Variants in HTR3E observed in about 807,000 individuals in gnomAD.
The protein encoded by HTR3E is 5-hydroxytryptamine (serotonin) receptor 3, family member E.
HTR3E carries 38 observed loss-of-function variants against 38.0 expected under a neutral mutation model. That is an observed-to-expected ratio of 1.00 (90% CI 0.77 to 1.31). The LOEUF (loss-of-function observed/expected upper bound fraction) is 1.31. HTR3E is among the 50% of genes most tolerant of loss of function. HTR3E has a pLI of 0.00. For missense variants in HTR3E, 547 were observed against 585.2 expected, an observed-to-expected ratio of 0.93 and a Z score of 0.67; for synonymous variants, 210 against 232.9, an observed-to-expected ratio of 0.90 and a Z score of 0.89.
At chr3:184,102,758 C>G (rs1269083606) in intron 3 of HTR3E, among the ~76,000 whole-genome samples, 1 of 151,780 alleles carries the variant, frequency 6.6e-6, no homozygotes, top group Non-Finnish European at 1.5e-5. Context: ...AACACCGTCT[C>G]TACTAAAATA....
rs1712387408 is a variant in HTR3E, at chr3:184,105,747, C to T, written c.721-18C>T. Reference sequence around the variant, plus strand: ...CTCTGACCCCATAACTACTTACCACCCTCTCCTACCCCACCAGGTGGCCAT... The same window carrying T: ...CTCTGACCCCATAACTACTTACCACTCTCTCCTACCCCACCAGGTGGCCAT... On this transcript the variant is annotated intron_variant, in intron 6 of 8. Transcript: ENST00000415389. The T allele has an allele frequency of 6.3e-7, 1 of 1,597,618 alleles. No homozygotes were observed. The highest frequency in any genetic ancestry group is 1.3e-5 in the African/African-American group (1 of 74,564).
intron 3 of HTR3E, among the ~76,000 whole-genome samples, chr3:184,103,354 G>A (rs1193112335): frequency 2.0e-5 from 3 of 152,140 alleles, no homozygotes; most frequent in East Asian, 3.9e-4. Context: ...TGGTGGCCGG[G>A]CGCGGTGGCT....
Position 184,105,804 on chromosome 3 carries a change from C to A in HTR3E, c.760C>A (p.Leu254Ile). ...CAGGCCCAGTCTCTATGTCATAAAC[C>A]TTCTCGTGCCCAGTGGCTTTCTGGT... ...RRRPSLYVINLLVPSGFLVAI... is the reference protein window; with the variant it reads ...RRRPSLYVINILVPSGFLVAI... Residue 254 changes from leucine (L) to isoleucine (I), a missense_variant, in exon 7 of 9, where the codon CTT (leucine) becomes ATT (isoleucine). Coordinates refer to ENST00000415389, the MANE Select transcript of HTR3E (RefSeq NM_001256613.2). 6.2e-7 allele frequency: 1 copy of A among 1,614,188 alleles called. No individual in the cohort carries two copies. The highest frequency in any genetic ancestry group is 8.5e-7 in the Non-Finnish European group (1 of 1,180,030).
chr3:184,104,074 C>T (rs1712249980), intron 3 of HTR3E, 108 bp from the exon 4 acceptor site: 1 of 680,018 alleles, frequency 1.5e-6, no homozygotes, highest in Non-Finnish European at 2.2e-6. Context: ...AGATGTTTGT[C>T]ACAGCATTTT....
At chr3:184,098,550 C>T (rs1388020588) in intron 1 of HTR3E, among the ~76,000 whole-genome samples, 1 of 152,108 alleles carries the variant, frequency 6.6e-6, no homozygotes, top group Non-Finnish European at 1.5e-5. Flanking sequence ...CTCCTCTGGG[C>T]ACTTGCACAC....
Position 184,106,579 on chromosome 3 carries a change from C to T in HTR3E, c.1257C>T (p.His419=), listed in dbSNP as rs1444605479. The change falls in exon 9 of 9, where the codon CAC becomes CAT. Residue 419 remains histidine (H), a synonymous_variant. Transcript: ENST00000415389. This position sits in a 1 kb window ranked among gnomAD's most constrained non-coding sequence, Gnocchi z 4.1. ...GGGAACACGAGGCCCAGAAGCAGCA[C>T]TCAGTGGAGCTGTGGTTGCAGTTCA... is the stretch of plus-strand genomic sequence containing the variant. ...AQREHEAQKQ[H]SVELWLQFSH... is the part of the protein sequence containing the mutation. The T allele has an allele frequency of 6.2e-7, 1 of 1,614,210 alleles. No homozygotes were observed. The highest frequency in any genetic ancestry group is 8.5e-7 in the Non-Finnish European group (1 of 1,180,034).
At position 184,099,739 on chromosome 3, in the gene HTR3E, A is replaced by AAAAAAAAAAAC. The variant is rs767836103; in HGVS notation, c.68-745_68-744insAAAAAAAAACA. ...CCGTCTCAAAAAAAAAAAAAAAAAA[A>AAAAAAAAAAAC]AGAAAGAAATATGCACAATTATTAT... On this transcript the variant is annotated intron_variant, in intron 1 of 8. Coordinates refer to ENST00000415389, the MANE Select transcript of HTR3E (RefSeq NM_001256613.2). Among the ~76,000 whole-genome samples the AAAAAAAAAAAC allele has an allele frequency of 2.4e-3, 276 of 113,068 alleles. 38 individuals carry two copies. The highest frequency in any genetic ancestry group is 8.0e-3 in the African/African-American group (217 of 27,068). The allele number at this position is 113,068 out of a possible 152,430, so 74.2% of individuals were successfully genotyped here. A position where few individuals can be genotyped will look rare whatever the true frequency, so the allele number is the denominator to read the frequency against.
chr3:184,104,974 C>G lies in HTR3E; in HGVS notation c.559+18C>G, dbSNP rs1712333328. 1 of 1,604,618 alleles carries G rather than the reference C, an allele frequency of 6.2e-7. No homozygotes were observed. The highest frequency in any genetic ancestry group is 8.5e-7 in the Non-Finnish European group (1 of 1,175,334). On this transcript the variant is annotated intron_variant, in intron 5 of 8. Transcript: ENST00000415389. ...CTACACAGGTAAGTTGCAGTGAGGT[C>G]TCAGGGATGGGGTGAATGAGAGCAA...
rs767836103 is a variant in HTR3E at position 184,099,739 on chromosome 3, A to AAAAAAAAAAAAAAAC, written c.68-745_68-744insAAAAAAAAAAAAACA. On this transcript the variant is annotated intron_variant, in intron 1 of 8. Transcript: ENST00000415389. ...CCGTCTCAAAAAAAAAAAAAAAAAA[A>AAAAAAAAAAAAAAAC]AGAAAGAAATATGCACAATTATTAT... is the stretch of plus-strand genomic sequence containing the variant. 6.2e-5 allele frequency among the ~76,000 whole-genome samples: 7 copies of AAAAAAAAAAAAAAAC among 113,094 alleles called. 1 individual carries two copies. Among genetic ancestry groups the AAAAAAAAAAAAAAAC allele is most frequent in the African/African-American group, 1.5e-4 (4 of 27,082 alleles). The allele number at this position is 113,094 out of a possible 152,430, so 74.2% of individuals were successfully genotyped here. A position where few individuals can be genotyped will look rare whatever the true frequency, so the allele number is the denominator to read the frequency against.
intron 2 of HTR3E, 39 bp downstream of exon 2, chr3:184,100,690 A>G: frequency 1.3e-6 from 2 of 1,589,622 alleles, no homozygotes; most frequent in Non-Finnish European, 1.7e-6. Context: ...GGTGTCCTTA[A>G]CCTTTTTCCA....
intron 3 of HTR3E, among the ~76,000 whole-genome samples, chr3:184,101,755 C>T (rs1271360291): frequency 3.3e-5 from 5 of 152,068 alleles, no homozygotes. Flanking sequence ...TTTGGGAGGC[C>T]GAGGTGGGCA....
chr3:184,105,809 C>T lies in HTR3E; in HGVS notation c.765C>T (p.Leu255=), dbSNP rs764009278. Residue 255 remains leucine, a synonymous_variant, in exon 7 of 9, where the codon CTC becomes CTT. Transcript: ENST00000415389. ...RRPSLYVINL[L]VPSGFLVAID... is the part of the protein sequence containing the mutation. ...CCAGTCTCTATGTCATAAACCTTCT[C>T]GTGCCCAGTGGCTTTCTGGTTGCCA... The T allele has an allele frequency of 1.2e-5, 20 of 1,614,088 alleles. No homozygotes were observed. The highest frequency in any genetic ancestry group is 1.5e-5 in the Non-Finnish European group (18 of 1,180,050).
Position 184,100,563 on chromosome 3 carries a change from T to C in HTR3E, c.146T>C (p.Phe49Ser). ...GATCCCACTGCTCTGAATTCAGTGT[T>C]TAATAGAAAGCCCTTCCGTCCGGTC... ...GADPTALNSVFNRKPFRPVTN... is the reference protein window; with the variant it reads ...GADPTALNSVSNRKPFRPVTN... The change falls in exon 2 of 9, where the codon TTT becomes TCT. Residue 49 changes from phenylalanine (F) to serine (S), a missense_variant. Phe to Ser is a radical substitution (Grantham distance 155, BLOSUM62 -2). Transcript: ENST00000415389. 1 of 1,614,052 alleles carries C rather than the reference T, an allele frequency of 6.2e-7. No homozygotes were observed. The highest frequency in any genetic ancestry group is 8.5e-7 in the Non-Finnish European group (1 of 1,180,008).
chr3:184,105,899 CCTG>C lies in HTR3E; in HGVS notation c.859_861del (p.Leu287del). 6.2e-7 allele frequency: 1 copy of C among 1,614,178 alleles called. No individual in the cohort carries two copies. The highest frequency in any genetic ancestry group is 1.1e-5 in the South Asian group (1 of 91,080). On this transcript the variant is annotated inframe_deletion, in exon 7 of 9. Transcript: ENST00000415389. ...ATCGTGTCCCATTCAAGATAACGCTCCTGCTGGGCTACAACGTCTTCCTGCTCA... is the reference window on the plus strand; with the variant it reads ...ATCGTGTCCCATTCAAGATAACGCTCCTGGGCTACAACGTCTTCCTGCTCA...
In HTR3E at chr3:184,105,903, C is replaced by T. The variant is rs1560097282; in HGVS notation, c.859C>T (p.Leu287=). The T allele has an allele frequency of 1.9e-6, 3 of 1,614,178 alleles. No homozygotes were observed. Among genetic ancestry groups the T allele is most frequent in the Non-Finnish European group, 1.7e-6 (2 of 1,180,032 alleles). Residue 287 remains leucine, a synonymous_variant, in exon 7 of 9, where the codon CTG becomes TTG. Transcript: ENST00000415389. ...NRVPFKITLL[L]GYNVFLLMMS... ...TGTCCCATTCAAGATAACGCTCCTG[C>T]TGGGCTACAACGTCTTCCTGCTCAT...
At chr3:184,101,267 T>A (rs917494374) in intron 2 of HTR3E, among the ~76,000 whole-genome samples, 3 of 152,178 alleles carry the variant, frequency 2.0e-5, no homozygotes, top group Non-Finnish European at 4.4e-5. Context: ...CTCGAGTTAT[T>A]CTCATATACA....
chr3:184,106,953 C>A lies in HTR3E; in HGVS notation c.*260C>A. The A allele has an allele frequency of 2.3e-6, 1 of 438,570 alleles. No homozygotes were observed. The allele number at this position is 438,570 out of a possible 1,614,324, so 27.2% of individuals were successfully genotyped here. On this transcript the variant is annotated 3_prime_UTR_variant, in exon 9 of 9. Coordinates refer to ENST00000415389, the MANE Select transcript of HTR3E (RefSeq NM_001256613.2). The surrounding 1 kb of genome is among the most constrained non-coding windows in gnomAD (Gnocchi z 4.1). ...ACGTCATCTGCATAGCAGACTATAC[C>A]TCTTCTGTCCGCTGACTTGCCCAAT...
In HTR3E at chr3:184,106,832, C is replaced by G; in HGVS notation, c.*139C>G. 1.2e-6 allele frequency: 1 copy of G among 867,910 alleles called. No homozygotes were observed. The allele number at this position is 867,910 out of a possible 1,614,324, so 53.8% of individuals were successfully genotyped here. On this transcript the variant is annotated 3_prime_UTR_variant, in exon 9 of 9. Transcript: ENST00000415389. This position sits in a 1 kb window ranked among gnomAD's most constrained non-coding sequence, Gnocchi z 4.1. ...CTGCTGTATTCCATGTATCCCAATC[C>G]GGTCCTGCTGATCAATTCCAATCCC...
chr3:184,106,963 C>A lies in HTR3E; in HGVS notation c.*270C>A. 1 of 394,910 alleles carries A rather than the reference C, an allele frequency of 2.5e-6. No individual in the cohort carries two copies. The highest frequency in any genetic ancestry group is 5.8e-5 in the South Asian group (1 of 17,192). The allele number at this position is 394,910 out of a possible 1,614,324, so 24.5% of individuals were successfully genotyped here. ...CATAGCAGACTATACCTCTTCTGTC[C>A]GCTGACTTGCCCAATAAATAATTCT... On this transcript the variant is annotated 3_prime_UTR_variant, in exon 9 of 9. Transcript: ENST00000415389. The surrounding 1 kb of genome is among the most constrained non-coding windows in gnomAD (Gnocchi z 4.1).
Sources: allele counts gnomAD v4.1 joint callset (sites outside exome capture counted in the v4.1 genomes callset), GRCh38; gene constraint gnomAD v4.1.1; non-coding constraint Gnocchi (gnomAD v3.1); transcripts MANE v1.5; gene names NCBI Gene and HGNC (gene_info 2026-07-23, HGNC 2026-07-21).